Variants in PTPRD observed in about 807,000 individuals in gnomAD.
The protein encoded by PTPRD is protein tyrosine phosphatase receptor type D.
Under a neutral mutation model 214.5 loss-of-function variants are expected in PTPRD, and 34 were observed. The observed-to-expected ratio is 0.16, with a 90% CI of 0.12 to 0.21. PTPRD has a LOEUF of 0.21. Ranked by LOEUF, PTPRD falls within the 10% of genes least tolerant of loss-of-function variation. The probability of loss-of-function intolerance (pLI) is 1.00; values close to 1 mark genes in which losing one functional copy is unlikely to be tolerated. For missense variants in PTPRD, 2,545 were observed against 2,398.7 expected (o/e 1.06, Z -1.27); for synonymous variants, 1,128 against 845.7 (o/e 1.33, Z -5.79).
chr9:9,873,408 C>CAA (rs111229928), intron 5 of PTPRD, among the ~76,000 whole-genome samples: 8,713 of 148,944 alleles, frequency 0.058, 777 homozygotes, highest in African/African-American at 0.2. Flanking sequence ...CATCCATTTA[C>CAA]AAAAAAAAAT....
chr9:10,206,945 G>T (rs1026734043), intron 3 of PTPRD, among the ~76,000 whole-genome samples: 4 of 152,188 alleles, frequency 2.6e-5, no homozygotes, highest in South Asian at 4.1e-4. Context: ...TTTGCATATT[G>T]TTCAGTTATG....
chr9:9,266,925 G>C (rs916506006), intron 9 of PTPRD, among the ~76,000 whole-genome samples: 5 of 150,980 alleles, frequency 3.3e-5, no homozygotes, highest in Non-Finnish European at 5.9e-5. Flanking sequence ...GCCAAAGTTA[G>C]AAGGAAGGAA....
chr9:9,105,118 A>T (rs2154444458), intron 10 of PTPRD, among the ~76,000 whole-genome samples: 1 of 152,318 alleles, frequency 6.6e-6, no homozygotes, highest in African/African-American at 2.4e-5. Flanking sequence ...ACAGAATTTT[A>T]GGGATGAAAG....
chr9:10,510,075 C>A (rs1171149945), intron 2 of PTPRD, among the ~76,000 whole-genome samples: 1 of 151,996 alleles, frequency 6.6e-6, no homozygotes, highest in South Asian at 2.1e-4. Flanking sequence ...AGAATTTCAA[C>A]CAGTAACCCT....
At chr9:9,524,069 G>A (rs1323211742) in intron 8 of PTPRD, among the ~76,000 whole-genome samples, 2 of 152,088 alleles carry the variant, frequency 1.3e-5, no homozygotes, top group Admixed American at 6.6e-5. Context: ...TTGAACTGTG[G>A]GTTTCTAGGC....
At chr9:9,368,617 T>C (rs1310684929) in intron 9 of PTPRD, among the ~76,000 whole-genome samples, 2 of 151,850 alleles carry the variant, frequency 1.3e-5, no homozygotes, top group African/African-American at 4.8e-5. Context: ...TGTCCCACTC[T>C]TAGGGGGAAC....
intron 7 of PTPRD, among the ~76,000 whole-genome samples, chr9:9,661,900 T>C (rs2096629252): frequency 6.6e-6 from 1 of 151,706 alleles, no homozygotes; most frequent in Non-Finnish European, 1.5e-5. Flanking sequence ...TTGAAGCAAG[T>C]GCTACTCTGG....
At chr9:10,082,495 A>G (rs1170859961) in intron 3 of PTPRD, among the ~76,000 whole-genome samples, 1 of 152,082 alleles carries the variant, frequency 6.6e-6, no homozygotes, top group Non-Finnish European at 1.5e-5. Flanking sequence ...AAACAATTCT[A>G]TCAACTGGAA....
intron 7 of PTPRD, among the ~76,000 whole-genome samples, chr9:9,600,999 A>C (rs577595918): frequency 1.3e-5 from 2 of 152,076 alleles, no homozygotes; most frequent in East Asian, 3.9e-4. Flanking sequence ...TTATTTGAGA[A>C]ATGGCTCAAA....
In PTPRD at chr9:9,946,245, G is replaced by A. The variant is rs559954276; in HGVS notation, c.-471-7635C>T. ...ACATCTTGCTCATTCTCAGCACTTGGCAAAATACCTAGAAAATAGGTGGTA... is the reference window on the plus strand; with the variant it reads ...ACATCTTGCTCATTCTCAGCACTTGACAAAATACCTAGAAAATAGGTGGTA... On this transcript the variant is annotated intron_variant, in intron 4 of 45. Transcript: ENST00000381196. 3.3e-5 allele frequency among the ~76,000 whole-genome samples: 5 copies of A among 152,130 alleles called. No individual in the cohort carries two copies. In the South Asian group the frequency reaches 8.3e-4, roughly 25 times the overall value.
intron 5 of PTPRD, chr9:9,799,535 T>C (rs1055741606): frequency 2.0e-5 from 3 of 152,164 alleles, no homozygotes; most frequent in African/African-American, 4.8e-5. Context: ...TGTGTTTCCT[T>C]GGGGGCAGAT....
At chr9:10,259,323 C>T (rs1047811296) in intron 3 of PTPRD, among the ~76,000 whole-genome samples, 9 of 152,142 alleles carry the variant, frequency 5.9e-5, no homozygotes, top group African/African-American at 4.8e-5. Flanking sequence ...CGCGCCCGGC[C>T]GGTATCTGTT....
intron 3 of PTPRD, among the ~76,000 whole-genome samples, chr9:10,290,524 T>A (rs1296621241): frequency 2.0e-5 from 3 of 152,188 alleles, no homozygotes; most frequent in African/African-American, 4.8e-5. Flanking sequence ...CTTTCCTCCA[T>A]ATGTTTAAAA....
intron 9 of PTPRD, among the ~76,000 whole-genome samples, chr9:9,222,132 A>G (rs2099956498): frequency 6.6e-6 from 1 of 152,124 alleles, no homozygotes; most frequent in Non-Finnish European, 1.5e-5. Flanking sequence ...TACAAAGTTT[A>G]TTAGTATTAT....
intron 10 of PTPRD, among the ~76,000 whole-genome samples, chr9:9,119,638 C>G (rs946318502): frequency 6.6e-6 from 1 of 151,964 alleles, no homozygotes; most frequent in Admixed American, 6.6e-5. Context: ...ATTCTCCTGC[C>G]TCAGCCTCCT....
intron 5 of PTPRD, among the ~76,000 whole-genome samples, chr9:9,781,645 T>C (rs1356773407): frequency 2.0e-5 from 3 of 152,170 alleles, no homozygotes; most frequent in Non-Finnish European, 4.4e-5. Context: ...CCCTGAATTA[T>C]GCTGAAACTT....
In PTPRD at chr9:10,406,724, T is replaced by G. The variant is rs2098366790; in HGVS notation, c.-599-65707A>C. On this transcript the variant is annotated intron_variant, in intron 2 of 45. Transcript: ENST00000381196. ...ATTTTCTCTAAAGGTGGTTTCAATT[T>G]AATCAGCACAAAATCAAAAATGAGA... Among the ~76,000 whole-genome samples, 2 of 151,624 alleles carry G rather than the reference T, an allele frequency of 1.3e-5. 1 individual carries two copies. Among genetic ancestry groups the G allele is most frequent in the South Asian group, 4.1e-4 (2 of 4,826 alleles).
chr9:9,460,064 T>G (rs1046989224), intron 8 of PTPRD, among the ~76,000 whole-genome samples: 1 of 152,030 alleles, frequency 6.6e-6, no homozygotes, highest in Non-Finnish European at 1.5e-5. Flanking sequence ...ATCTGGTCTT[T>G]GACAAAGCTG....
At chr9:8,894,277 C>A (rs1040136517) in intron 11 of PTPRD, among the ~76,000 whole-genome samples, 1 of 144,990 alleles carries the variant, frequency 6.9e-6, no homozygotes. Context: ...ATTGCTTGAA[C>A]CTGGGAGGCA....
Sources: allele counts gnomAD v4.1 joint callset (sites outside exome capture counted in the v4.1 genomes callset), GRCh38; gene constraint gnomAD v4.1.1; transcripts MANE v1.5; gene names NCBI Gene and HGNC (gene_info 2026-07-23, HGNC 2026-07-21).